The following COL5A3 variants were observed in gnomAD, a reference collection of about 807,000 sequenced individuals.
COL5A3 encodes collagen type V alpha 3 chain.
A neutral mutation model predicts 250.0 loss-of-function variants in COL5A3; 172 were observed. That is an observed-to-expected ratio of 0.69 (90% confidence interval 0.61 to 0.78). The LOEUF is 0.78. Among genes scored for constraint, COL5A3 ranks in the 30% least tolerant of loss-of-function variants. The probability of loss-of-function intolerance (pLI) is 0.00; values close to 1 mark genes in which losing one functional copy is unlikely to be tolerated. For missense variants in COL5A3, 2,340 were observed against 2,334.4 expected (o/e 1.00, Z -0.05); for synonymous variants, 937 against 900.4 (o/e 1.04, Z -0.73).
Position 9,977,394 on chromosome 19 carries a change from CA to C in COL5A3, c.3204del (p.Ala1069LeufsTer75). On this transcript the variant is annotated frameshift_variant, in exon 43 of 67. Coordinates refer to ENST00000264828, the MANE Select transcript of COL5A3 (RefSeq NM_015719.4). LOFTEE classifies it high-confidence loss of function. ...TCCCCTTCCTCGCCAGAAGGCCCAG[CA>C]GCTCCAGGGGGTCCCAGAGGCCCCA... is the stretch of plus-strand genomic sequence containing the variant. ...GPLGPLGPPGAAGPSGEEGDK... is the reference protein window; with the variant it reads ...GPLGPLGPPGXAGPSGEEGDK... 6.3e-7 allele frequency: 1 copy of C among 1,575,892 alleles called. No individual in the cohort carries two copies. Among genetic ancestry groups the C allele is most frequent in the Non-Finnish European group, 8.6e-7 (1 of 1,157,944 alleles).
At chr19:10,003,820 G>T in intron 5 of COL5A3, 106 bp from the exon 6 acceptor site, 2 of 1,451,052 alleles carry the variant, frequency 1.4e-6, no homozygotes, top group Non-Finnish European at 1.9e-6. Context: ...TCCTCACTCA[G>T]CCCTGTGACC....
chr19:9,977,111 C>A, intron 44 of COL5A3, 118 bp downstream of exon 44: 2 of 988,254 alleles, frequency 2.0e-6, no homozygotes, highest in East Asian at 2.5e-5. Flanking sequence ...AGATGGTACC[C>A]GAGAAGGCAG....
chr19:9,968,215 C>G lies in COL5A3; in HGVS notation c.4315-136G>C, dbSNP rs905801175. Reference sequence around the variant, plus strand: ...CCTCCAGTTCCCCCACAGAGAGACCCCAAACCCCAGACGCAGCCTCCAACT... The same window carrying G: ...CCTCCAGTTCCCCCACAGAGAGACCGCAAACCCCAGACGCAGCCTCCAACT... On this transcript the variant is annotated intron_variant, in intron 59 of 66. Coordinates refer to ENST00000264828, the MANE Select transcript of COL5A3 (RefSeq NM_015719.4). This position sits in a 1 kb window ranked among gnomAD's most constrained non-coding sequence, Gnocchi z 4.1. The G allele has an allele frequency of 3.9e-6, 4 of 1,034,386 alleles. No homozygotes were observed. The highest frequency in any genetic ancestry group is 5.7e-6 in the Non-Finnish European group (4 of 699,198). 64.1% of individuals were successfully genotyped at this position (1,034,386 alleles called of 1,614,324 possible). A position where few individuals can be genotyped will look rare whatever the true frequency, so the allele number is the denominator to read the frequency against.
At chr19:9,962,208 G>A (rs889493177) in intron 65 of COL5A3, among the ~76,000 whole-genome samples, 2 of 151,994 alleles carry the variant, frequency 1.3e-5, no homozygotes, top group African/African-American at 4.8e-5. Flanking sequence ...CAGGGCTCAA[G>A]TGATTTTCCT....
At chr19:9,981,967 C>T (rs1690679190) in intron 32 of COL5A3, 98 bp downstream of exon 32, 3 of 920,244 alleles carry the variant, frequency 3.3e-6, no homozygotes, top group Middle Eastern at 3.2e-4. Context: ...CAGGCATAGA[C>T]ACAAACACCC....
chr19:9,960,970 C>A (rs2086665601), intron 65 of COL5A3, 80 bp from the exon 66 acceptor site: 2 of 1,543,372 alleles, frequency 1.3e-6, no homozygotes, highest in African/African-American at 1.4e-5. Flanking sequence ...GAATCTCCAT[C>A]CACTGGCAGA....
chr19:9,979,775 G>C (rs1413905444), intron 37 of COL5A3, 64 bp downstream of exon 37: 1 of 1,426,212 alleles, frequency 7.0e-7, no homozygotes. Flanking sequence ...GACAGAGTGA[G>C]ACTCTGTCTC....
intron 8 of COL5A3, among the ~76,000 whole-genome samples, chr19:9,999,040 T>TTCTTTCTA (rs111319646): frequency 0.33 from 48,044 of 145,026 alleles, 7,782 homozygotes; most frequent in African/African-American, 0.42. Context: ...TTCTTTTTCT[T>TTCTTTCTA]TCTCTTTCTT....
At chr19:9,978,340 C>T (rs1312622330) in intron 41 of COL5A3, among the ~76,000 whole-genome samples, 1 of 152,178 alleles carries the variant, frequency 6.6e-6, no homozygotes, top group Non-Finnish European at 1.5e-5. Flanking sequence ...TCTCCTGCCT[C>T]AGCCTCTAGA....
At chr19:9,974,550 G>T in intron 45 of COL5A3, 142 bp from the exon 46 acceptor site, 1 of 592,178 alleles carries the variant, frequency 1.7e-6, no homozygotes, top group Non-Finnish European at 2.8e-6. Context: ...AGTTGGAGTT[G>T]GGGTCTAGGT....
chr19:9,996,520 G>T lies in COL5A3; in HGVS notation c.1339-4C>A. ...AGGAGCCGCCTGCAAACTGGAACTG[G>T]GAGGAATTTAGTGGTGAGGGAAGCC... On this transcript the variant is annotated splice_polypyrimidine_tract_variant and splice_region_variant and intron_variant, in intron 12 of 66. Transcript: ENST00000264828. 1 of 1,614,148 alleles carries T rather than the reference G, an allele frequency of 6.2e-7. No homozygotes were observed. The highest frequency in any genetic ancestry group is 8.5e-7 in the Non-Finnish European group (1 of 1,180,010).
At chr19:10,010,181 C>T (rs1052363967) in intron 1 of COL5A3, 117 bp downstream of exon 1, 7 of 735,584 alleles carry the variant, frequency 9.5e-6, no homozygotes, top group Non-Finnish European at 7.7e-6. Context: ...ACACCGGGGC[C>T]GCACGCGGCG....
rs2086652972 is a variant in COL5A3 at position 9,960,269 on chromosome 19, G to A, written c.*142C>T. On this transcript the variant is annotated 3_prime_UTR_variant, in exon 67 of 67. Coordinates refer to ENST00000264828, the MANE Select transcript of COL5A3 (RefSeq NM_015719.4). ...CCCCCAGCACCCTGGAAAGGAGAAG[G>A]AATGACTGTCCGTGATGAGCGAAGT... is the stretch of plus-strand genomic sequence containing the variant. 1 of 1,033,828 alleles carries A rather than the reference G, an allele frequency of 9.7e-7. No homozygotes were observed. Among genetic ancestry groups the A allele is most frequent in the Admixed American group, 2.3e-5 (1 of 43,142 alleles). 64.0% of individuals were successfully genotyped at this position (1,033,828 alleles called of 1,614,324 possible). A position where few individuals can be genotyped will look rare whatever the true frequency, so the allele number is the denominator to read the frequency against.
intron 4 of COL5A3, among the ~76,000 whole-genome samples, chr19:10,004,732 AGGTGACACACATCAC>A (rs2087416772): frequency 6.6e-6 from 1 of 152,160 alleles, no homozygotes; most frequent in Non-Finnish European, 1.5e-5. Flanking sequence ...GGCCTCCCAG[AGGTGACACACATCAC>A]GGTCACACAC....
rs2087434231 is a variant in COL5A3 at position 10,005,835 on chromosome 19, A to G, written c.398T>C (p.Phe133Ser). The G allele has an allele frequency of 6.2e-7, 1 of 1,613,104 alleles. No homozygotes were observed. The highest frequency in any genetic ancestry group is 1.7e-5 in the Admixed American group (1 of 59,964). The change falls in exon 3 of 67, where the codon TTC (phenylalanine) becomes TCC (serine). Residue 133 changes from phenylalanine (F) to serine (S), a missense_variant. Phe to Ser is a radical substitution (Grantham distance 155). Around this residue, in one of 3 missense-constraint regions of COL5A3, gnomAD observed 1,152 missense variants for 1,146.3 expected, o/e 1.00. Coordinates refer to ENST00000264828, the MANE Select transcript of COL5A3 (RefSeq NM_015719.4). ...GPALGLLGDP[F>S]RPLPQQVNLT... ...GTTGACCTGCTGGGGGAGGGGGCGG[A>G]AGGGGTCACCTAGGAGACCCAGCGC...
chr19:9,996,640 G>A lies in COL5A3; in HGVS notation c.1313C>T (p.Pro438Leu), dbSNP rs1249995744. ...CGGCATCATGATCACAGTGCCCGGTGGGCCTCGGATCCCATCAATGCCGGG... is the reference window on the plus strand; with the variant it reads ...CGGCATCATGATCACAGTGCCCGGTAGGCCTCGGATCCCATCAATGCCGGG... ...GIPGIDGIRGPPGTVIMMPFQ... is the reference protein window; with the variant it reads ...GIPGIDGIRGLPGTVIMMPFQ... Residue 438 changes from proline to leucine, a missense_variant, in exon 12 of 67, where the codon CCA becomes CTA. Transcript: ENST00000264828. The A allele has an allele frequency of 5.0e-6, 8 of 1,613,390 alleles. No individual in the cohort carries two copies. The highest frequency in any genetic ancestry group is 4.2e-6 in the Non-Finnish European group (5 of 1,179,794).
At chr19:9,988,419 T>C (rs1053856726) in intron 27 of COL5A3, among the ~76,000 whole-genome samples, 1 of 152,164 alleles carries the variant, frequency 6.6e-6, no homozygotes, top group African/African-American at 2.4e-5. Context: ...ACAATGTCAC[T>C]GGACTCAGCT....
At chr19:9,973,481 C>T (rs1049609613) in intron 50 of COL5A3, 89 bp downstream of exon 50, 4 of 1,330,902 alleles carry the variant, frequency 3.0e-6, no homozygotes, top group Non-Finnish European at 3.1e-6. Context: ...GATGATCTTG[C>T]ACTGTCCAGA....
rs765638228 is a variant in COL5A3 at position 9,993,893 on chromosome 19, C to T, written c.1588-87G>A. On this transcript the variant is annotated intron_variant, in intron 16 of 66. Transcript: ENST00000264828. ...AGGAACCCAACTTCATCATCAACAT[C>T]AAGATTTTTTTTTTGACAGGGTCTC... The T allele has an allele frequency of 3.2e-6, 4 of 1,258,976 alleles. No individual in the cohort carries two copies. In the South Asian group the frequency reaches 5.1e-5, roughly 16 times the overall value. The allele number at this position is 1,258,976 out of a possible 1,614,324, so 78.0% of individuals were successfully genotyped here.
Sources: gnomAD v4.1 joint callset for allele counts (sites outside exome capture counted in the v4.1 genomes callset) on GRCh38, gnomAD v4.1.1 for gene constraint, gnomAD v4.1.1 regional missense constraint, Gnocchi (gnomAD v3.1) non-coding constraint, MANE v1.5 for transcripts, NCBI Gene and HGNC (gene_info 2026-07-23, HGNC 2026-07-21) for gene names.